PDSS2: variants seen among roughly 807,000 people sequenced by gnomAD.
The protein encoded by PDSS2 is decaprenyl diphosphate synthase subunit 2.
A neutral mutation model predicts 44.5 loss-of-function variants in PDSS2; 31 were observed. The observed-to-expected ratio is 0.70, with a 90% confidence interval of 0.52 to 0.94. The LOEUF is 0.94. Among genes scored for constraint, PDSS2 ranks in the 40% least tolerant of loss-of-function variants. The pLI, the probability that PDSS2 is intolerant of heterozygous loss-of-function variation, is 0.00. For missense variants in PDSS2, 452 were observed against 482.2 expected, an observed-to-expected ratio of 0.94 and a Z score of 0.59; for synonymous variants, 157 against 180.3, an observed-to-expected ratio of 0.87 and a Z score of 1.03.
intron 1 of PDSS2, among the ~76,000 whole-genome samples, chr6:107,363,345 G>A (rs1778842501): frequency 6.6e-6 from 1 of 152,098 alleles, no homozygotes; most frequent in Non-Finnish European, 1.5e-5. Context: ...CTCTTAAGGT[G>A]GCGCGTCTGG....
chr6:107,286,301 A>G (rs546515740), intron 2 of PDSS2, among the ~76,000 whole-genome samples: 2 of 152,042 alleles, frequency 1.3e-5, no homozygotes, highest in South Asian at 4.2e-4. Flanking sequence ...TGAGGTCAGG[A>G]GTTTGAGACC....
intron 1 of PDSS2, among the ~76,000 whole-genome samples, chr6:107,432,471 C>T (rs1310667853): frequency 6.6e-6 from 1 of 152,176 alleles, no homozygotes; most frequent in Non-Finnish European, 1.5e-5. Flanking sequence ...TCACCTTAAG[C>T]ATTTCTTTGG....
At chr6:107,411,665 TACA>T (rs1391891125) in intron 1 of PDSS2, among the ~76,000 whole-genome samples, 2 of 152,182 alleles carry the variant, frequency 1.3e-5, no homozygotes, top group South Asian at 2.1e-4. Context: ...AATATAGTTT[TACA>T]ACGATTTAAA....
intron 1 of PDSS2, among the ~76,000 whole-genome samples, chr6:107,355,090 GC>G (rs1778555872): frequency 6.6e-6 from 1 of 151,968 alleles, no homozygotes; most frequent in Non-Finnish European, 1.5e-5. Context: ...GCGCCACCAC[GC>G]CCAGCTAATT....
chr6:107,378,381 G>A (rs1435299465), intron 1 of PDSS2, among the ~76,000 whole-genome samples: 1 of 152,000 alleles, frequency 6.6e-6, no homozygotes, highest in African/African-American at 2.4e-5. Flanking sequence ...ATTAAAACCT[G>A]TTAAAACCAA....
chr6:107,265,294 G>A (rs1775377943), intron 3 of PDSS2, among the ~76,000 whole-genome samples: 1 of 152,056 alleles, frequency 6.6e-6, no homozygotes. Flanking sequence ...TTCATCTAAT[G>A]GCCTGCCCCA....
intron 1 of PDSS2, among the ~76,000 whole-genome samples, chr6:107,347,688 T>C (rs1778297510): frequency 6.6e-6 from 1 of 152,174 alleles, no homozygotes; most frequent in South Asian, 2.1e-4. Flanking sequence ...GCTGACTGAA[T>C]GGCTAATCAA....
chr6:107,390,653 CATG>C (rs1024969617), intron 1 of PDSS2, among the ~76,000 whole-genome samples: 3 of 152,026 alleles, frequency 2.0e-5, no homozygotes, highest in Admixed American at 2.0e-4. Flanking sequence ...ACAAATGTAA[CATG>C]ATTATATCAG....
At chr6:107,263,191 G>A (rs894851364) in intron 3 of PDSS2, among the ~76,000 whole-genome samples, 2 of 151,030 alleles carry the variant, frequency 1.3e-5, no homozygotes, top group African/African-American at 4.9e-5. Context: ...GGTGGCTTAC[G>A]CCTGTAATCT....
intron 2 of PDSS2, among the ~76,000 whole-genome samples, chr6:107,316,985 T>G (rs1040871368): frequency 6.6e-6 from 1 of 152,178 alleles, no homozygotes; most frequent in South Asian, 2.1e-4. Context: ...AAACAAGTTA[T>G]ATTGTTGAAC....
intron 1 of PDSS2, among the ~76,000 whole-genome samples, chr6:107,400,177 C>T (rs558257067): frequency 1.1e-4 from 16 of 152,230 alleles, no homozygotes; most frequent in African/African-American, 3.6e-4. Flanking sequence ...AGTGGAGAGA[C>T]TGTGAGAAGG....
chr6:107,209,376 G>C (rs1773118030), intron 6 of PDSS2, among the ~76,000 whole-genome samples: 1 of 152,070 alleles, frequency 6.6e-6, no homozygotes, highest in Admixed American at 6.6e-5. Flanking sequence ...TTACTGAGGA[G>C]GCCCCAAATA....
chr6:107,178,771 A>G (rs562092980), intron 7 of PDSS2, among the ~76,000 whole-genome samples: 42 of 152,324 alleles, frequency 2.8e-4, no homozygotes, highest in Admixed American at 5.9e-4. Context: ...CTGTAATCCC[A>G]GCACTTTGGG....
At chr6:107,255,531 G>A (rs1285909402) in intron 3 of PDSS2, among the ~76,000 whole-genome samples, 8 of 151,518 alleles carry the variant, frequency 5.3e-5, no homozygotes, top group African/African-American at 1.7e-4. Context: ...CCCAGGAGGC[G>A]GAGGTTGCGG....
intron 7 of PDSS2, among the ~76,000 whole-genome samples, chr6:107,167,926 T>C (rs9480743): frequency 0.22 from 33,175 of 152,062 alleles, 3,679 homozygotes; most frequent in Non-Finnish European, 0.25. Context: ...ATTGGTGTGG[T>C]GTGGTGCTGA....
At chr6:107,282,102 C>T (rs1004183005) in intron 2 of PDSS2, among the ~76,000 whole-genome samples, 20 of 152,120 alleles carry the variant, frequency 1.3e-4, no homozygotes, top group East Asian at 5.8e-4. Context: ...GATGGGGTTT[C>T]GCCATGTTGG....
intron 2 of PDSS2, among the ~76,000 whole-genome samples, chr6:107,313,928 A>C (rs978658631): frequency 4.6e-5 from 7 of 152,058 alleles, no homozygotes; most frequent in African/African-American, 1.7e-4. Flanking sequence ...AGGCTGAAGG[A>C]TTCCTGGAGG....
chr6:107,283,320 T>A (rs573769667), intron 2 of PDSS2, among the ~76,000 whole-genome samples: 1 of 145,490 alleles, frequency 6.9e-6, no homozygotes, highest in Admixed American at 6.8e-5. Flanking sequence ...AGTGAGACCC[T>A]GTCTCTTAAA....
intron 6 of PDSS2, among the ~76,000 whole-genome samples, chr6:107,195,481 C>CAAAA (rs762125818): frequency 5.7e-5 from 5 of 87,852 alleles, no homozygotes; most frequent in African/African-American, 2.1e-4. Context: ...GATCCTGTCT[C>CAAAA]AAAAAAAAAA....
Sources: allele counts gnomAD v4.1 joint callset (sites outside exome capture counted in the v4.1 genomes callset), GRCh38; gene constraint gnomAD v4.1.1; transcripts MANE v1.5; gene names NCBI Gene and HGNC (gene_info 2026-07-23, HGNC 2026-07-21).